ARMC9: variants seen among roughly 807,000 people sequenced by gnomAD.
ARMC9 encodes armadillo repeat containing 9.
ARMC9 carries 94 observed loss-of-function variants against 107.0 expected under a neutral mutation model. That is an observed-to-expected ratio of 0.88 (90% CI 0.74 to 1.04). The LOEUF (loss-of-function observed/expected upper bound fraction) is 1.04, where lower values mean the gene tolerates loss of function less well. Ranked by LOEUF, ARMC9 falls within the 50% of genes least tolerant of loss-of-function variation. The pLI, the probability that ARMC9 is intolerant of heterozygous loss-of-function variation, is 0.00. For missense variants in ARMC9, 942 were observed against 1,030.1 expected (o/e 0.91, Z 1.17); for synonymous variants, 380 against 396.9 (o/e 0.96, Z 0.51).
Position 231,312,598 on chromosome 2 carries a change from CTT to C in ARMC9, c.1773+16361_1773+16362del, listed in dbSNP as rs1205045864. ...AAACAGCCTTTTACAGTTTCACACA[CTT>C]TTTTTTTTTTTTTTTGCAAAATCTA... On this transcript the variant is annotated intron_variant, in intron 19 of 24. Transcript: ENST00000611582. 2.6e-3 allele frequency among the ~76,000 whole-genome samples: 323 copies of C among 126,482 alleles called. 2 individuals carry two copies. Among genetic ancestry groups the C allele is most frequent in the African/African-American group, 8.1e-3 (280 of 34,742 alleles). The allele number at this position is 126,482 out of a possible 152,430, so 83.0% of individuals were successfully genotyped here.
intron 19 of ARMC9, among the ~76,000 whole-genome samples, chr2:231,309,013 C>A (rs976599449): frequency 1.5e-4 from 23 of 152,250 alleles, no homozygotes; most frequent in Non-Finnish European, 2.2e-4. Flanking sequence ...GTGTTACTTG[C>A]AGGACCTTTC....
chr2:231,237,321 T>C (rs1461056681), intron 8 of ARMC9, among the ~76,000 whole-genome samples: 1 of 152,180 alleles, frequency 6.6e-6, no homozygotes. Flanking sequence ...TATGACCAGA[T>C]CCACCTCATT....
chr2:231,225,016 A>G (rs2034506738), intron 6 of ARMC9, among the ~76,000 whole-genome samples: 1 of 152,258 alleles, frequency 6.6e-6, no homozygotes, highest in African/African-American at 2.4e-5. Context: ...CCTATAAGGA[A>G]TAAGGAGCCT....
chr2:231,219,296 T>G (rs1433066018), intron 5 of ARMC9, among the ~76,000 whole-genome samples: 1 of 152,228 alleles, frequency 6.6e-6, no homozygotes, highest in Non-Finnish European at 1.5e-5. Context: ...CTCTTCCATC[T>G]GGGATAGTCG....
intron 13 of ARMC9, 148 bp from the exon 14 acceptor site, chr2:231,272,807 C>T (rs188881626): frequency 2.7e-5 from 28 of 1,020,858 alleles, no homozygotes; most frequent in South Asian, 1.9e-4. Context: ...TGAGCCACCG[C>T]GCCCTGCCCA....
At chr2:231,215,873 T>C (rs58626538) in intron 4 of ARMC9, among the ~76,000 whole-genome samples, 6,378 of 152,280 alleles carry the variant, frequency 0.042, 362 homozygotes, top group African/African-American at 0.13. Context: ...CAGGAGATTT[T>C]CATTTTCTGT....
chr2:231,314,952 G>T (rs1017015154), intron 19 of ARMC9, among the ~76,000 whole-genome samples: 2 of 152,142 alleles, frequency 1.3e-5, no homozygotes. Flanking sequence ...TAACACCTTT[G>T]TAAAAAATAA....
chr2:231,209,127 C>A (rs1574849237), intron 3 of ARMC9, among the ~76,000 whole-genome samples: 2 of 152,094 alleles, frequency 1.3e-5, no homozygotes, highest in Non-Finnish European at 2.9e-5. Context: ...GTCTTGAACT[C>A]CTGACCTCAA....
chr2:231,227,758 C>G (rs2125342931), intron 7 of ARMC9, among the ~76,000 whole-genome samples: 1 of 152,340 alleles, frequency 6.6e-6, no homozygotes, highest in South Asian at 2.1e-4. Flanking sequence ...CTCAAGATGG[C>G]TTTGGCAGCG....
chr2:231,355,954 A>G lies in ARMC9; in HGVS notation c.2131+20A>G. ...CTTCATGTAAGAATGTGGGCAGCAC[A>G]CTGGGTCAGTTCTGGGATTGTGATG... On this transcript the variant is annotated intron_variant, in intron 22 of 24. Coordinates refer to ENST00000611582, the MANE Select transcript of ARMC9 (RefSeq NM_001352754.2). 1 of 1,531,022 alleles carries G rather than the reference A, an allele frequency of 6.5e-7. No individual in the cohort carries two copies. Among genetic ancestry groups the G allele is most frequent in the African/African-American group, 1.4e-5 (1 of 73,094 alleles). 94.8% of individuals were successfully genotyped at this position (1,531,022 alleles called of 1,614,324 possible).
intron 23 of ARMC9, among the ~76,000 whole-genome samples, chr2:231,366,812 G>A (rs1443395410): frequency 2.0e-5 from 3 of 150,870 alleles, no homozygotes; most frequent in Admixed American, 1.3e-4. Context: ...CTGCACTCCA[G>A]CCTGGTGATA....
chr2:231,352,609 C>T (rs941772503), intron 21 of ARMC9, among the ~76,000 whole-genome samples: 3 of 151,258 alleles, frequency 2.0e-5, no homozygotes, highest in African/African-American at 7.3e-5. Flanking sequence ...CAGGCGTGAG[C>T]CACCGCACCC....
intron 12 of ARMC9, among the ~76,000 whole-genome samples, chr2:231,264,410 C>T (rs898670224): frequency 2.0e-5 from 3 of 152,002 alleles, no homozygotes; most frequent in Non-Finnish European, 2.9e-5. Context: ...AACTCCTGAC[C>T]TCAAATGATC....
intron 9 of ARMC9, 27 bp downstream of exon 9, chr2:231,240,068 G>A: frequency 1.3e-6 from 2 of 1,575,434 alleles, no homozygotes; most frequent in South Asian, 1.1e-5. Flanking sequence ...AGGGCAGGGT[G>A]CCCGTGGTCT....
chr2:231,203,852 C>T (rs1239466910), intron 1 of ARMC9, among the ~76,000 whole-genome samples: 1 of 152,000 alleles, frequency 6.6e-6, no homozygotes, highest in Non-Finnish European at 1.5e-5. Context: ...CCCAGCTACT[C>T]GGGAGGCTGA....
At chr2:231,270,322 C>CCT (rs1477865405) in intron 12 of ARMC9, among the ~76,000 whole-genome samples, 2 of 152,212 alleles carry the variant, frequency 1.3e-5, no homozygotes, top group Non-Finnish European at 2.9e-5. Flanking sequence ...AAGGGAACAC[C>CCT]CTCTCCCCAG....
chr2:231,219,144 T>C (rs1472713615), intron 5 of ARMC9, among the ~76,000 whole-genome samples: 1 of 72,738 alleles, frequency 1.4e-5, no homozygotes, highest in East Asian at 2.6e-4. Context: ...ATTTATGTCC[T>C]TTTTTTTTTT....
At chr2:231,337,922 A>G (rs1439557361) in intron 20 of ARMC9, among the ~76,000 whole-genome samples, 1 of 152,238 alleles carries the variant, frequency 6.6e-6, no homozygotes, top group Non-Finnish European at 1.5e-5. Context: ...AACCAGAGGT[A>G]ATCACTATCT....
intron 9 of ARMC9, among the ~76,000 whole-genome samples, chr2:231,245,425 A>C (rs2036668906): frequency 6.6e-6 from 1 of 152,230 alleles, no homozygotes; most frequent in South Asian, 2.1e-4. Context: ...CCCATGGCAG[A>C]GCAGCTCCCT....
Sources: gnomAD v4.1 joint callset for allele counts (sites outside exome capture counted in the v4.1 genomes callset) on GRCh38, gnomAD v4.1.1 for gene constraint, MANE v1.5 for transcripts, NCBI Gene and HGNC (gene_info 2026-07-23, HGNC 2026-07-21) for gene names.